Variants in KIF26B observed in about 807,000 individuals in gnomAD.
KIF26B encodes the protein kinesin family member 26B, also known as kinesin-like protein KIF26B.
KIF26B carries 63 observed loss-of-function variants against 151.2 expected under a neutral mutation model. The observed-to-expected ratio is 0.42, with a 90% confidence interval of 0.34 to 0.51. KIF26B has a LOEUF of 0.51. Among genes scored for constraint, KIF26B ranks in the 20% least tolerant of loss-of-function variants. KIF26B has a pLI of 0.07. For missense variants in KIF26B, 2,813 were observed against 2,913.6 expected, an observed-to-expected ratio of 0.97 and a Z score of 0.79; for synonymous variants, 1,357 against 1,262.1, an observed-to-expected ratio of 1.08 and a Z score of -1.59.
intron 5 of KIF26B, among the ~76,000 whole-genome samples, chr1:245,581,333 C>G (rs1407494540): frequency 6.6e-6 from 1 of 152,178 alleles, no homozygotes; most frequent in African/African-American, 2.4e-5. Flanking sequence ...GATGGCTTTG[C>G]TCTTGATCAG....
At chr1:245,336,942 C>CT (rs1357199975) in intron 2 of KIF26B, among the ~76,000 whole-genome samples, 1 of 152,130 alleles carries the variant, frequency 6.6e-6, no homozygotes, top group East Asian at 1.9e-4. Flanking sequence ...ACAAGCTGAC[C>CT]ACTTGGATTC....
intron 4 of KIF26B, among the ~76,000 whole-genome samples, chr1:245,473,941 T>C (rs1412195873): frequency 6.6e-6 from 1 of 151,850 alleles, no homozygotes; most frequent in Non-Finnish European, 1.5e-5. Flanking sequence ...ATTTAATACG[T>C]TCATATCATT....
chr1:245,441,996 C>G (rs1659116993), intron 4 of KIF26B, among the ~76,000 whole-genome samples: 1 of 152,238 alleles, frequency 6.6e-6, no homozygotes. Flanking sequence ...AACTTCTGAT[C>G]TACAGGGCAT....
chr1:245,476,452 A>G (rs1000028995), intron 4 of KIF26B, among the ~76,000 whole-genome samples: 7 of 151,806 alleles, frequency 4.6e-5, no homozygotes, highest in African/African-American at 1.7e-4. Flanking sequence ...AATGAAGGGC[A>G]AATTTATATT....
intron 2 of KIF26B, among the ~76,000 whole-genome samples, chr1:245,354,443 C>G (rs1032088576): frequency 6.6e-5 from 10 of 152,202 alleles, no homozygotes; most frequent in African/African-American, 1.9e-4. Context: ...TTTCACATGG[C>G]CAGGACCTCA....
At chr1:245,625,097 T>G (rs2043709434) in intron 9 of KIF26B, among the ~76,000 whole-genome samples, 1 of 152,220 alleles carries the variant, frequency 6.6e-6, no homozygotes, top group Admixed American at 6.5e-5. Context: ...ATTTCTAGAC[T>G]CTGTTCTGTT....
At chr1:245,191,970 C>G (rs998467584) in intron 2 of KIF26B, among the ~76,000 whole-genome samples, 26 of 151,974 alleles carry the variant, frequency 1.7e-4, no homozygotes, top group African/African-American at 5.6e-4. Flanking sequence ...AAATTAATAC[C>G]ATTTTGGAAA....
chr1:245,542,135 T>C (rs1369399959), intron 5 of KIF26B, among the ~76,000 whole-genome samples: 2 of 152,182 alleles, frequency 1.3e-5, no homozygotes, highest in Admixed American at 1.3e-4. Flanking sequence ...AGAGAAGCAC[T>C]TGAGGCTAGG....
At position 245,576,596 on chromosome 1, in the gene KIF26B, A is replaced by G. The variant is rs2043121055; in HGVS notation, c.1351-25981A>G. Among the ~76,000 whole-genome samples, 3 of 152,214 alleles carry G rather than the reference A, an allele frequency of 2.0e-5. No individual in the cohort carries two copies. The South Asian group carries it at 6.2e-4, about 32-fold the overall frequency. On this transcript the variant is annotated intron_variant, in intron 5 of 14. Coordinates refer to ENST00000407071, the MANE Select transcript of KIF26B (RefSeq NM_018012.4). ...GGACCTGCACTCCGTGTGCCTGGCC[A>G]GTAGATAGGTTTCCCTGGTGTTCCC...
At chr1:245,160,073 TC>T (rs759688294) in intron 2 of KIF26B, among the ~76,000 whole-genome samples, 4 of 152,192 alleles carry the variant, frequency 2.6e-5, no homozygotes, top group Non-Finnish European at 4.4e-5. Flanking sequence ...TTTGGCTATC[TC>T]AAGACTGGCG....
At chr1:245,291,390 G>A (rs542588207) in intron 2 of KIF26B, among the ~76,000 whole-genome samples, 23 of 152,292 alleles carry the variant, frequency 1.5e-4, no homozygotes, top group African/African-American at 5.5e-4. Context: ...CCCAAGTCTT[G>A]GAAAGTCTTC....
intron 4 of KIF26B, among the ~76,000 whole-genome samples, chr1:245,477,425 G>C (rs1259623527): frequency 6.6e-6 from 1 of 151,774 alleles, no homozygotes; most frequent in East Asian, 1.9e-4. Context: ...GGGATAGGAA[G>C]GGGCAGAGAC....
intron 2 of KIF26B, among the ~76,000 whole-genome samples, chr1:245,234,871 G>A (rs1253383785): frequency 3.3e-5 from 5 of 152,164 alleles, no homozygotes; most frequent in Non-Finnish European, 5.9e-5. Flanking sequence ...CTTGCCCTCC[G>A]CCAGCAGCAG....
chr1:245,480,090 C>G (rs549618492), intron 4 of KIF26B, among the ~76,000 whole-genome samples: 2 of 147,916 alleles, frequency 1.4e-5, no homozygotes, highest in African/African-American at 5.0e-5. Flanking sequence ...ATGGCGTGAC[C>G]CTGTCTCTCC....
intron 10 of KIF26B, among the ~76,000 whole-genome samples, chr1:245,646,594 C>T (rs1193018021): frequency 6.6e-6 from 1 of 152,116 alleles, no homozygotes; most frequent in Non-Finnish European, 1.5e-5. Flanking sequence ...AAAGATGTGC[C>T]TGTTTCATAG....
chr1:245,481,078 G>T (rs1274422931), intron 4 of KIF26B, among the ~76,000 whole-genome samples: 1 of 151,852 alleles, frequency 6.6e-6, no homozygotes, highest in Non-Finnish European at 1.5e-5. Flanking sequence ...CTGGCCGTGC[G>T]TTGTGCGTGC....
intron 2 of KIF26B, among the ~76,000 whole-genome samples, chr1:245,253,772 T>C (rs1007772418): frequency 2.0e-5 from 3 of 150,460 alleles, no homozygotes; most frequent in African/African-American, 7.3e-5. Flanking sequence ...TGTTTTAAAT[T>C]TTCCTGTCTA....
At chr1:245,692,038 A>G (rs1414139057) in intron 12 of KIF26B, among the ~76,000 whole-genome samples, 1 of 152,260 alleles carries the variant, frequency 6.6e-6, no homozygotes, top group Non-Finnish European at 1.5e-5. Flanking sequence ...TTGATAGGTA[A>G]TAGCCATGGT....
At chr1:245,219,127 CTTTTTTT>C (rs1166578525) in intron 2 of KIF26B, among the ~76,000 whole-genome samples, 7 of 56,188 alleles carry the variant, frequency 1.2e-4, no homozygotes, top group African/African-American at 2.0e-4. Flanking sequence ...ATACCTACCT[CTTTTTTT>C]TTTTTTTTTT....
Sources: allele counts gnomAD v4.1 joint callset (sites outside exome capture counted in the v4.1 genomes callset), GRCh38; gene constraint gnomAD v4.1.1; transcripts MANE v1.5; gene names NCBI Gene and HGNC (gene_info 2026-07-23, HGNC 2026-07-21).